The following TTC7B variants were observed in gnomAD, a reference collection of about 807,000 sequenced individuals.
TTC7B encodes tetratricopeptide repeat protein 7B.
TTC7B carries 28 observed loss-of-function variants against 106.8 expected under a neutral mutation model. That is an observed-to-expected ratio of 0.26 (90% CI 0.19 to 0.36). The LOEUF is 0.36. Ranked by LOEUF, TTC7B falls within the 10% of genes least tolerant of loss-of-function variation. The pLI is 1.00. For synonymous variants in TTC7B, 405 were observed against 430.6 expected (o/e 0.94, Z 0.74); for missense variants, 862 against 1,076.4 (o/e 0.80, Z 2.79).
chr14:90,678,728 T>C (rs184479936), intron 8 of TTC7B, among the ~76,000 whole-genome samples: 1 of 152,314 alleles, frequency 6.6e-6, no homozygotes, highest in East Asian at 1.9e-4. Context: ...TTCTATCACT[T>C]CAATTAAGAA....
chr14:90,602,911 C>T (rs1349936866), intron 17 of TTC7B, among the ~76,000 whole-genome samples: 2 of 152,180 alleles, frequency 1.3e-5, no homozygotes, highest in South Asian at 2.1e-4. Context: ...ACTGGCCACC[C>T]GCCTTGGGAA....
Position 90,807,744 on chromosome 14 carries a change from G to A in TTC7B, c.121+8431C>T, listed in dbSNP as rs140558898. On this transcript the variant is annotated intron_variant, in intron 1 of 19. Transcript: ENST00000328459. This position sits in a 1 kb window ranked among gnomAD's most constrained non-coding sequence, Gnocchi z 4.1. The stretch of plus-strand genomic sequence containing the variant: ...AGATTTCCAGCTTCTACCTTGGGCC[G>A]AGAGAATCACCACCCTCAGCCAAGA... Among the ~76,000 whole-genome samples the A allele has an allele frequency of 7.0e-3, 1,065 of 152,280 alleles. 15 individuals are homozygous for A. The highest frequency in any genetic ancestry group is 0.024 in the African/African-American group (1,017 of 41,564).
At position 90,807,883 on chromosome 14, in the gene TTC7B, A is replaced by G. The variant is rs1250871053; in HGVS notation, c.121+8292T>C. Among the ~76,000 whole-genome samples, 2 of 152,260 alleles carry G rather than the reference A, an allele frequency of 1.3e-5. No individual in the cohort carries two copies. The highest frequency in any genetic ancestry group is 2.4e-5 in the African/African-American group (1 of 41,476). On this transcript the variant is annotated intron_variant, in intron 1 of 19. Coordinates refer to ENST00000328459, the MANE Select transcript of TTC7B (RefSeq NM_001010854.2). The surrounding 1 kb of genome is among the most constrained non-coding windows in gnomAD (Gnocchi z 4.1). ...ACCCCAGCTCCACCCTAGACCTACT[A>G]TATCAGTATCTCTGGGAGTGGGGCT...
intron 5 of TTC7B, among the ~76,000 whole-genome samples, chr14:90,714,348 C>G (rs924537802): frequency 2.0e-5 from 3 of 152,136 alleles, no homozygotes; most frequent in African/African-American, 7.2e-5. Context: ...TAAGTGGTTG[C>G]CTGGGGCAGG....
chr14:90,654,922 G>A (rs1006767133), intron 12 of TTC7B, 71 bp downstream of exon 12: 7 of 1,222,450 alleles, frequency 5.7e-6, no homozygotes, highest in Non-Finnish European at 8.4e-6. Flanking sequence ...GGGACTGTGG[G>A]AATCCCGCAG....
chr14:90,752,226 C>G (rs1464327917), intron 3 of TTC7B, among the ~76,000 whole-genome samples: 1 of 152,122 alleles, frequency 6.6e-6, no homozygotes, highest in Non-Finnish European at 1.5e-5. Flanking sequence ...CCTTTCACAT[C>G]AAGATTAAGG....
chr14:90,763,469 G>A (rs1890570274), intron 3 of TTC7B, among the ~76,000 whole-genome samples: 1 of 152,058 alleles, frequency 6.6e-6, no homozygotes, highest in African/African-American at 2.4e-5. Flanking sequence ...TGTCCACTCT[G>A]GTCATTTCTA....
At chr14:90,679,462 T>C (rs1247151542) in intron 8 of TTC7B, among the ~76,000 whole-genome samples, 3 of 152,174 alleles carry the variant, frequency 2.0e-5, no homozygotes, top group Admixed American at 2.0e-4. Flanking sequence ...TCTCTTGCTT[T>C]AGTTATGATT....
intron 4 of TTC7B, among the ~76,000 whole-genome samples, chr14:90,739,534 C>G (rs1467563930): frequency 6.6e-6 from 1 of 152,196 alleles, no homozygotes; most frequent in Non-Finnish European, 1.5e-5. Context: ...ATAATCCACT[C>G]AAGGCATGGC....
At chr14:90,729,865 T>C (rs747311298) in intron 5 of TTC7B, among the ~76,000 whole-genome samples, 6 of 151,990 alleles carry the variant, frequency 3.9e-5, no homozygotes, top group Non-Finnish European at 7.4e-5. Flanking sequence ...CCCTCCCTTC[T>C]CCCACCTTCA....
intron 18 of TTC7B, among the ~76,000 whole-genome samples, chr14:90,580,973 G>T (rs1181219274): frequency 6.6e-6 from 1 of 152,178 alleles, no homozygotes; most frequent in Non-Finnish European, 1.5e-5. Flanking sequence ...CAATCAGCCT[G>T]GCCGGTCCCT....
intron 1 of TTC7B, among the ~76,000 whole-genome samples, chr14:90,796,300 G>C (rs1006877404): frequency 5.5e-4 from 84 of 152,224 alleles, no homozygotes; most frequent in African/African-American, 1.9e-3. Context: ...GGTTAAGTGA[G>C]GCTGCAGTAA....
At chr14:90,783,159 T>C (rs1052396194) in intron 2 of TTC7B, among the ~76,000 whole-genome samples, 5 of 152,222 alleles carry the variant, frequency 3.3e-5, no homozygotes, top group African/African-American at 1.2e-4. Context: ...GGGGCCACCT[T>C]GCTCACAATA....
chr14:90,632,299 C>T (rs971577239), intron 15 of TTC7B, among the ~76,000 whole-genome samples: 24 of 152,298 alleles, frequency 1.6e-4, no homozygotes, highest in Middle Eastern at 3.4e-3. Flanking sequence ...GCCCACAACC[C>T]CTGGTCAATT....
intron 19 of TTC7B, chr14:90,569,846 AAGC>A (rs1890959633): frequency 6.6e-6 from 1 of 152,370 alleles, no homozygotes; most frequent in African/African-American, 2.4e-5. Flanking sequence ...GACAGAGAGC[AAGC>A]AGCCAGGGAC....
At chr14:90,648,031 A>G (rs913060583) in intron 13 of TTC7B, among the ~76,000 whole-genome samples, 1 of 152,190 alleles carries the variant, frequency 6.6e-6, no homozygotes, top group Non-Finnish European at 1.5e-5. Context: ...TTTCTACAAT[A>G]ATAAGGCCTT....
chr14:90,775,561 G>T (rs532143717), intron 3 of TTC7B, among the ~76,000 whole-genome samples: 2 of 151,660 alleles, frequency 1.3e-5, no homozygotes, highest in Non-Finnish European at 2.9e-5. Context: ...TAAACCGCCC[G>T]ACATGGTGCT....
rs1471945208 is a variant in TTC7B, at chr14:90,541,471, G to A, written c.2429C>T (p.Ala810Val). The stretch of plus-strand genomic sequence containing the variant: ...CGTAGCCGCCGCATCGTTGCCCTGA[G>A]CTTGGAGGACCTCGCCCAGCCCGTT... ...VWNGLGEVLQ[A>V]QGNDAAATEC... is the part of the protein sequence containing the mutation. Residue 810 changes from alanine to valine, a missense_variant, in exon 20 of 20, where the codon GCT (alanine) becomes GTT (valine). Transcript: ENST00000328459. The A allele has an allele frequency of 1.2e-5, 20 of 1,613,978 alleles. No homozygotes were observed. The highest frequency in any genetic ancestry group is 1.7e-5 in the Non-Finnish European group (20 of 1,179,998).
intron 9 of TTC7B, among the ~76,000 whole-genome samples, chr14:90,666,984 G>A (rs185485516): frequency 6.6e-6 from 1 of 152,352 alleles, no homozygotes; most frequent in East Asian, 1.9e-4. Flanking sequence ...CTTTGCCAAT[G>A]TAGCTGTTCC....
Sources: allele counts gnomAD v4.1 joint callset (sites outside exome capture counted in the v4.1 genomes callset), GRCh38; gene constraint gnomAD v4.1.1; non-coding constraint Gnocchi (gnomAD v3.1); transcripts MANE v1.5; gene names NCBI Gene and HGNC (gene_info 2026-07-23, HGNC 2026-07-21).